The following DIP2B variants were observed in gnomAD, a reference collection of about 807,000 sequenced individuals.
The protein encoded by DIP2B is DIP2 acetate--CoA ligase B (putative).
DIP2B carries 76 observed loss-of-function variants against 198.0 expected under a neutral mutation model. The ratio of observed to expected loss-of-function variants is 0.38; its 90% CI spans 0.32 to 0.46. The LOEUF (loss-of-function observed/expected upper bound fraction) is 0.46, where lower values mean the gene tolerates loss of function less well. Among genes scored for constraint, DIP2B ranks in the 20% least tolerant of loss-of-function variants. The pLI is 0.99. For synonymous variants in DIP2B, 701 were observed against 739.1 expected (o/e 0.95, Z 0.84); for missense variants, 1,559 against 1,978.4 (o/e 0.79, Z 4.02).
intron 22 of DIP2B, among the ~76,000 whole-genome samples, chr12:50,711,656 G>T (rs1219585186): frequency 6.6e-6 from 1 of 152,158 alleles, no homozygotes; most frequent in Non-Finnish European, 1.5e-5. Flanking sequence ...CCACCTCCCG[G>T]TTTCAAGCAA....
intron 1 of DIP2B, among the ~76,000 whole-genome samples, chr12:50,618,756 T>A (rs2139460710): frequency 6.6e-6 from 1 of 152,318 alleles, no homozygotes; most frequent in South Asian, 2.1e-4. Context: ...AGGGCTGTTG[T>A]GAGGCTCTTG....
rs1366639417 is a variant in DIP2B, at chr12:50,663,894, A to G, written c.427+3575A>G. On this transcript the variant is annotated intron_variant, in intron 4 of 37. Coordinates refer to ENST00000301180, the MANE Select transcript of DIP2B (RefSeq NM_173602.3). ...CTTTAAAAAAAAAAAAAAAAAAAAA[A>G]GCAAACAAAAAGTTGTACCACTCTT... 2.7e-5 allele frequency among the ~76,000 whole-genome samples: 4 copies of G among 148,258 alleles called. No individual in the cohort carries two copies. The Admixed American group carries it at 2.7e-4, about 10-fold the overall frequency.
chr12:50,514,906 C>T (rs1958050162), intron 1 of DIP2B, among the ~76,000 whole-genome samples: 1 of 152,152 alleles, frequency 6.6e-6, no homozygotes, highest in African/African-American at 2.4e-5. Context: ...AATCTTCCCA[C>T]CTCAGCCTCC....
At chr12:50,744,159 G>A in intron 37 of DIP2B, among the ~76,000 whole-genome samples, 1 of 152,142 alleles carries the variant, frequency 6.6e-6, no homozygotes. Flanking sequence ...TCACCACCAA[G>A]TCTGGCTAAT....
At chr12:50,640,246 C>T (rs546896397) in intron 2 of DIP2B, among the ~76,000 whole-genome samples, 2 of 152,162 alleles carry the variant, frequency 1.3e-5, no homozygotes, top group Admixed American at 6.5e-5. Context: ...AGTATGGGGA[C>T]AGGGTAGGGT....
At chr12:50,611,122 A>T (rs554309299) in intron 1 of DIP2B, among the ~76,000 whole-genome samples, 39 of 152,280 alleles carry the variant, frequency 2.6e-4, no homozygotes, top group African/African-American at 9.1e-4. Context: ...TAGGGGGATA[A>T]TAGACACACA....
chr12:50,533,413 T>C (rs991913041), intron 1 of DIP2B, among the ~76,000 whole-genome samples: 11 of 152,178 alleles, frequency 7.2e-5, no homozygotes, highest in African/African-American at 2.4e-4. Context: ...ACAAGTTGTG[T>C]AGGGTGAGGG....
At chr12:50,642,695 A>C (rs1593680400) in intron 3 of DIP2B, among the ~76,000 whole-genome samples, 1 of 152,194 alleles carries the variant, frequency 6.6e-6, no homozygotes, top group South Asian at 2.1e-4. Flanking sequence ...AGGCTGAGGC[A>C]GGAGAATGGC....
chr12:50,675,018 G>C (rs942716676), intron 6 of DIP2B, among the ~76,000 whole-genome samples: 12 of 152,130 alleles, frequency 7.9e-5, no homozygotes, highest in African/African-American at 2.4e-4. Context: ...CAAAAAATTA[G>C]GCGGAGCTTG....
At chr12:50,719,307 G>A (rs936788959) in intron 25 of DIP2B, among the ~76,000 whole-genome samples, 1 of 152,120 alleles carries the variant, frequency 6.6e-6, no homozygotes, top group Admixed American at 6.5e-5. Context: ...AGCCAACAAT[G>A]CAATTACATA....
At chr12:50,601,295 CTT>C (rs1408783549) in intron 1 of DIP2B, among the ~76,000 whole-genome samples, 1 of 151,558 alleles carries the variant, frequency 6.6e-6, no homozygotes, top group East Asian at 1.9e-4. Flanking sequence ...CAGGGAAAGT[CTT>C]TTCATTTAAA....
At chr12:50,653,354 T>C (rs1938495070) in intron 3 of DIP2B, among the ~76,000 whole-genome samples, 1 of 145,162 alleles carries the variant, frequency 6.9e-6, no homozygotes, top group South Asian at 2.2e-4. Flanking sequence ...TTCTTTTTTT[T>C]TTTTTTTTTT....
chr12:50,545,347 C>CTTCT (rs1381198985), intron 1 of DIP2B, among the ~76,000 whole-genome samples: 1 of 145,746 alleles, frequency 6.9e-6, no homozygotes, highest in Non-Finnish European at 1.5e-5. Context: ...TCCCTCCCTC[C>CTTCT]TTCTTTCTTT....
At chr12:50,574,607 C>T (rs1322879442) in intron 1 of DIP2B, among the ~76,000 whole-genome samples, 1 of 152,148 alleles carries the variant, frequency 6.6e-6, no homozygotes, top group Non-Finnish European at 1.5e-5. Flanking sequence ...CAGTTGCTTC[C>T]CTCTCCAGGA....
intron 1 of DIP2B, among the ~76,000 whole-genome samples, chr12:50,536,788 C>T (rs943091942): frequency 5.9e-5 from 9 of 151,570 alleles, no homozygotes; most frequent in African/African-American, 1.9e-4. Flanking sequence ...AGGCTGGTCT[C>T]GAACTCCTGA....
chr12:50,641,778 A>T (rs533024811), intron 3 of DIP2B, among the ~76,000 whole-genome samples: 1 of 152,154 alleles, frequency 6.6e-6, no homozygotes, highest in Admixed American at 6.5e-5. Flanking sequence ...AGATCCCTAG[A>T]GCACGTGTGG....
At chr12:50,600,050 C>T (rs1238437003) in intron 1 of DIP2B, among the ~76,000 whole-genome samples, 1 of 152,172 alleles carries the variant, frequency 6.6e-6, no homozygotes, top group Admixed American at 6.5e-5. Context: ...TAAGCTACCT[C>T]AAATGTCAGA....
chr12:50,696,752 A>G lies in DIP2B; in HGVS notation c.1934-309A>G, dbSNP rs575848451. 4.6e-5 allele frequency among the ~76,000 whole-genome samples: 7 copies of G among 152,330 alleles called. No individual in the cohort carries two copies. In the South Asian group the frequency reaches 1.4e-3, roughly 32 times the overall value. On this transcript the variant is annotated intron_variant, in intron 16 of 37. Coordinates refer to ENST00000301180, the MANE Select transcript of DIP2B (RefSeq NM_173602.3). ...GTTCCTCAGGAAGAGTTGCTAAATTATAAACTGGCTGCATATTGCCTGCAG... is the reference window on the plus strand; with the variant it reads ...GTTCCTCAGGAAGAGTTGCTAAATTGTAAACTGGCTGCATATTGCCTGCAG...
At chr12:50,668,329 A>G (rs776489775) in intron 4 of DIP2B, among the ~76,000 whole-genome samples, 3 of 152,214 alleles carry the variant, frequency 2.0e-5, no homozygotes, top group African/African-American at 7.2e-5. Context: ...ACGAATAAGT[A>G]AACAGTCTTC....
Sources: allele counts gnomAD v4.1 joint callset (sites outside exome capture counted in the v4.1 genomes callset), GRCh38; gene constraint gnomAD v4.1.1; transcripts MANE v1.5; gene names NCBI Gene and HGNC (gene_info 2026-07-23, HGNC 2026-07-21).